Variants in CMSS1 observed in about 807,000 individuals in gnomAD.
CMSS1 encodes protein CMSS1.
In CMSS1, 33 loss-of-function variants were observed where a neutral mutation model predicts 43.5. That is an observed-to-expected ratio of 0.76 (90% CI 0.57 to 1.01). The LOEUF (loss-of-function observed/expected upper bound fraction) is 1.01, where lower values mean the gene tolerates loss of function less well. Ranked by LOEUF, CMSS1 falls within the 50% of genes least tolerant of loss-of-function variation. The probability of loss-of-function intolerance (pLI) is 0.00; values close to 1 mark genes in which losing one functional copy is unlikely to be tolerated. For synonymous variants in CMSS1, 115 were observed against 117.2 expected (o/e 0.98, Z 0.12); for missense variants, 313 against 326.4 (o/e 0.96, Z 0.32).
intron 2 of CMSS1, among the ~76,000 whole-genome samples, chr3:100,151,724 G>A (rs1198793586): frequency 6.6e-6 from 1 of 152,132 alleles, no homozygotes; most frequent in African/African-American, 2.4e-5. Flanking sequence ...AGCTATCCTG[G>A]AATCTGGCTA....
At chr3:100,102,252 T>A (rs2066322028) in intron 1 of CMSS1, among the ~76,000 whole-genome samples, 2 of 152,186 alleles carry the variant, frequency 1.3e-5, no homozygotes, top group Non-Finnish European at 2.9e-5. Flanking sequence ...GTAAAAGTGT[T>A]CCTATTTCTC....
intron 1 of CMSS1, among the ~76,000 whole-genome samples, chr3:99,957,183 C>T (rs1708344259): frequency 6.6e-6 from 1 of 152,152 alleles, no homozygotes; most frequent in African/African-American, 2.4e-5. Flanking sequence ...ACAAAACATT[C>T]ATCAGGGTGA....
intron 1 of CMSS1, among the ~76,000 whole-genome samples, chr3:100,075,128 C>A (rs1181787572): frequency 3.3e-5 from 5 of 152,208 alleles, no homozygotes; most frequent in African/African-American, 1.2e-4. Context: ...TGGGGTCAAA[C>A]CCAGATTCTC....
intron 1 of CMSS1, among the ~76,000 whole-genome samples, chr3:99,975,893 T>TTTG (rs533765835): frequency 2.0e-5 from 3 of 152,286 alleles, no homozygotes; most frequent in East Asian, 1.9e-4. Context: ...AATGTCTCTT[T>TTTG]TTGTTGTTGT....
intron 2 of CMSS1, among the ~76,000 whole-genome samples, chr3:100,158,662 T>C (rs1206721040): frequency 6.6e-6 from 1 of 152,264 alleles, no homozygotes; most frequent in East Asian, 1.9e-4. Flanking sequence ...AATTTGAACC[T>C]ATCATTTAAC....
chr3:100,114,059 G>A (rs1353759378), intron 1 of CMSS1: 2 of 151,982 alleles, frequency 1.3e-5, no homozygotes, highest in East Asian at 3.9e-4. Context: ...TTACCGTGCA[G>A]GTACCGTGCA....
intron 1 of CMSS1, among the ~76,000 whole-genome samples, chr3:100,106,995 T>G (rs2066407054): frequency 6.6e-6 from 1 of 152,324 alleles, no homozygotes; most frequent in African/African-American, 2.4e-5. Flanking sequence ...CCAATGTGTG[T>G]CTGACCTAAC....
chr3:100,045,069 G>A (rs1018544519), intron 1 of CMSS1, among the ~76,000 whole-genome samples: 9 of 152,236 alleles, frequency 5.9e-5, no homozygotes, highest in Admixed American at 3.3e-4. Context: ...TATCCAAGGG[G>A]AGATGGTATG....
chr3:100,014,901 T>TTTTTTTTTTTTTTTTTTTTTC, intron 1 of CMSS1, among the ~76,000 whole-genome samples: 1 of 141,912 alleles, frequency 7.0e-6, no homozygotes. Flanking sequence ...CTTTCTTTTT[T>TTTTTTTTTTTTTTTTTTTTTC]TTTTTTTTTT....
Position 99,849,168 on chromosome 3 carries a change from C to A in CMSS1, c.64+31125C>A, listed in dbSNP as rs377014839. 66 of 1,614,000 alleles carry A rather than the reference C, an allele frequency of 4.1e-5. No individual in the cohort carries two copies. The highest frequency in any genetic ancestry group is 5.4e-5 in the Non-Finnish European group (64 of 1,180,010). ...GCACAGATCCCTCATCATTAGGGTCCTCGTCTTGATTCTCACTCTCCTCAT... is the reference window on the plus strand; with the variant it reads ...GCACAGATCCCTCATCATTAGGGTCATCGTCTTGATTCTCACTCTCCTCAT... On this transcript the variant is annotated intron_variant, in intron 1 of 9. Transcript: ENST00000421999.
At chr3:100,174,364 G>T (rs1384196558) in intron 8 of CMSS1, among the ~76,000 whole-genome samples, 1 of 150,800 alleles carries the variant, frequency 6.6e-6, no homozygotes, top group Non-Finnish European at 1.5e-5. Flanking sequence ...GACTTCCCCA[G>T]CCCCCACCCC....
chr3:100,070,786 C>T (rs988282000), intron 1 of CMSS1, among the ~76,000 whole-genome samples: 1 of 152,174 alleles, frequency 6.6e-6, no homozygotes, highest in Admixed American at 6.5e-5. Flanking sequence ...CATGTGCCAC[C>T]ATGCCTGGCT....
intron 1 of CMSS1, among the ~76,000 whole-genome samples, chr3:99,818,936 G>C (rs1307287741): frequency 2.6e-5 from 4 of 152,204 alleles, no homozygotes; most frequent in Non-Finnish European, 4.4e-5. Context: ...ATTATTGGTT[G>C]GTTGGTTTTT....
chr3:99,847,235 A>C (rs1311644280), intron 1 of CMSS1, among the ~76,000 whole-genome samples: 4 of 151,832 alleles, frequency 2.6e-5, no homozygotes, highest in East Asian at 1.9e-4. Context: ...AAAAAAAAAA[A>C]CTGTAAGCTT....
intron 1 of CMSS1, among the ~76,000 whole-genome samples, chr3:99,905,091 C>G (rs375404631): frequency 6.6e-6 from 1 of 152,204 alleles, no homozygotes; most frequent in African/African-American, 2.4e-5. Context: ...ACTGGTCTTT[C>G]CAAGTTCTCT....
At chr3:99,980,270 C>T (rs183636850) in intron 1 of CMSS1, among the ~76,000 whole-genome samples, 5 of 152,228 alleles carry the variant, frequency 3.3e-5, no homozygotes, top group East Asian at 1.9e-4. Flanking sequence ...ACTAATCTTA[C>T]CTCTGTGACT....
chr3:100,003,424 T>C (rs1305679261), intron 1 of CMSS1, among the ~76,000 whole-genome samples: 2 of 152,232 alleles, frequency 1.3e-5, no homozygotes, highest in Non-Finnish European at 1.5e-5. Context: ...GCACCTAGAA[T>C]AAACCTGTAG....
chr3:100,058,073 T>C (rs1382843468), intron 1 of CMSS1, among the ~76,000 whole-genome samples: 1 of 152,236 alleles, frequency 6.6e-6, no homozygotes, highest in Non-Finnish European at 1.5e-5. Context: ...CACAATTTTT[T>C]ATTTTCTTTT....
intron 1 of CMSS1, among the ~76,000 whole-genome samples, chr3:99,819,448 G>A (rs749515715): frequency 6.6e-6 from 1 of 152,204 alleles, no homozygotes; most frequent in Non-Finnish European, 1.5e-5. Flanking sequence ...CAGTCAACAT[G>A]TATTGAGTAT....
Sources: allele counts gnomAD v4.1 joint callset (sites outside exome capture counted in the v4.1 genomes callset), GRCh38; gene constraint gnomAD v4.1.1; transcripts MANE v1.5; gene names NCBI Gene and HGNC (gene_info 2026-07-23, HGNC 2026-07-21).